GLS: variants seen among roughly 807,000 people sequenced by gnomAD.
GLS encodes glutaminase.
A neutral mutation model predicts 86.7 loss-of-function variants in GLS; 36 were observed. That is an observed-to-expected ratio of 0.42 (90% CI 0.32 to 0.55). GLS has a LOEUF of 0.55. Among genes scored for constraint, GLS ranks in the 20% least tolerant of loss-of-function variants. The pLI, the probability that GLS is intolerant of heterozygous loss-of-function variation, is 0.17. For missense variants in GLS, 528 were observed against 833.4 expected (o/e 0.63, Z 4.51); for synonymous variants, 317 against 305.9 (o/e 1.04, Z -0.38).
At position 190,949,994 on chromosome 2, in the gene GLS, AAT is replaced by A. The variant is rs750647689; in HGVS notation, c.1651-3556_1651-3555del. ...TTAAAAAGGATATAGTTAACAATAC[AAT>A]ATATATATATATATGAAGGGGAAAA... On this transcript the variant is annotated intron_variant, in intron 14 of 17. Coordinates refer to ENST00000320717, the MANE Select transcript of GLS (RefSeq NM_014905.5). This position sits in a 1 kb window ranked among gnomAD's most constrained non-coding sequence, Gnocchi z 4.0. 3.0e-4 allele frequency among the ~76,000 whole-genome samples: 44 copies of A among 148,102 alleles called. No individual in the cohort carries two copies. The highest frequency in any genetic ancestry group is 6.2e-4 in the African/African-American group (25 of 40,610).
chr2:190,934,208 A>G, intron 14 of GLS: 1 of 967,268 alleles, frequency 1.0e-6, no homozygotes, highest in Non-Finnish European at 1.2e-6. Context: ...GTGGTAATGG[A>G]AAGTCTGTAA....
chr2:190,922,071 T>C (rs998176359), intron 9 of GLS, among the ~76,000 whole-genome samples: 1 of 152,198 alleles, frequency 6.6e-6, no homozygotes, highest in East Asian at 1.9e-4. Flanking sequence ...GACTTTTTCT[T>C]TGAAGGACCA....
rs761044284 is a variant in GLS, at chr2:190,938,244, T to A, written c.1650+6607T>A. On this transcript the variant is annotated intron_variant, in intron 14 of 17. Transcript: ENST00000320717. This position sits in a 1 kb window ranked among gnomAD's most constrained non-coding sequence, Gnocchi z 4.1. ...TTTCAGGCCTTAAAACCACAGATAA[T>A]TAAAATTATCTATTTGGAAGGCTTA... Among the ~76,000 whole-genome samples, 1 of 151,538 alleles carries A rather than the reference T, an allele frequency of 6.6e-6. No individual in the cohort carries two copies. Among genetic ancestry groups the A allele is most frequent in the Admixed American group, 6.6e-5 (1 of 15,206 alleles).
chr2:190,895,704 T>C lies in GLS; in HGVS notation c.584T>C (p.Leu195Pro). The change falls in exon 3 of 18, where the codon CTA becomes CCA. Residue 195 changes from leucine to proline, a missense_variant. Physicochemically the swap from Leu to Pro is moderately conservative, Grantham distance 98 (BLOSUM62 -3). Coordinates refer to ENST00000320717, the MANE Select transcript of GLS (RefSeq NM_014905.5). The surrounding 1 kb of genome is among the most constrained non-coding windows in gnomAD (Gnocchi z 4.2). ...CAAACAACATCAGATGGTGTCATGCTAGACAAAGATCTTTTTAAAAAGTAA... is the reference window on the plus strand; with the variant it reads ...CAAACAACATCAGATGGTGTCATGCCAGACAAAGATCTTTTTAAAAAGTAA... ...TLQTTSDGVM[L>P]DKDLFKKCVQ... 1 of 1,587,102 alleles carries C rather than the reference T, an allele frequency of 6.3e-7. No homozygotes were observed. The highest frequency in any genetic ancestry group is 8.6e-7 in the Non-Finnish European group (1 of 1,161,242).
At chr2:190,898,509 G>A (rs994228754) in intron 3 of GLS, among the ~76,000 whole-genome samples, 1 of 152,212 alleles carries the variant, frequency 6.6e-6, no homozygotes, top group Non-Finnish European at 1.5e-5. Flanking sequence ...TCTCCTGAGA[G>A]GCAAAATTGG....
Position 190,931,582 on chromosome 2 carries a change from AT to A in GLS, c.1598del (p.Leu533Ter). 6.3e-7 allele frequency: 1 copy of A among 1,584,752 alleles called. No homozygotes were observed. Among genetic ancestry groups the A allele is most frequent in the Non-Finnish European group, 8.7e-7 (1 of 1,155,696 alleles). On this transcript the variant is annotated frameshift_variant, in exon 14 of 18. Coordinates refer to ENST00000320717, the MANE Select transcript of GLS (RefSeq NM_014905.5). LOFTEE classifies it high-confidence loss of function. ...CTGTGTAATTTCCATAACTATGATA[AT>A]TTGAGACACTTTGCAAAAAAACTTG... ...VSLCNFHNYDNLRHFAKKLDP... is the reference protein window; with the variant it reads ...VSLCNFHNYDXLRHFAKKLDP...
At chr2:190,888,040 GC>G (rs1462321720) in intron 1 of GLS, among the ~76,000 whole-genome samples, 2 of 152,128 alleles carry the variant, frequency 1.3e-5, no homozygotes, top group African/African-American at 4.8e-5. Context: ...TGTTTTTCCT[GC>G]CTCCTTTTGT....
chr2:190,887,235 A>G (rs1688415141), intron 1 of GLS, among the ~76,000 whole-genome samples: 1 of 152,232 alleles, frequency 6.6e-6, no homozygotes, highest in South Asian at 2.1e-4. Flanking sequence ...AGATACTGTT[A>G]GTACAGTTTT....
In GLS at chr2:190,953,674, G is replaced by T; in HGVS notation, c.1712+48G>T. On this transcript the variant is annotated intron_variant, in intron 15 of 17. Transcript: ENST00000320717. This position sits in a 1 kb window ranked among gnomAD's most constrained non-coding sequence, Gnocchi z 4.0. ...CATGCACTTTACAGATATTTATGAA[G>T]TTGCTTCTGGGCGAGCAGCCATTTT... 1 of 1,289,348 alleles carries T rather than the reference G, an allele frequency of 7.8e-7. No individual in the cohort carries two copies. Among genetic ancestry groups the T allele is most frequent in the South Asian group, 1.2e-5 (1 of 81,786 alleles). 79.9% of individuals were successfully genotyped at this position (1,289,348 alleles called of 1,614,324 possible). A position where few individuals can be genotyped will look rare whatever the true frequency, so the allele number is the denominator to read the frequency against.
In GLS at chr2:190,884,309, A is replaced by T. The variant is rs3771316; in HGVS notation, c.386+2839A>T. Among the ~76,000 whole-genome samples the T allele has an allele frequency of 2.6e-5, 4 of 152,054 alleles. No individual in the cohort carries two copies. The South Asian group carries it at 6.2e-4, about 24-fold the overall frequency. On this transcript the variant is annotated intron_variant, in intron 1 of 17. Coordinates refer to ENST00000320717, the MANE Select transcript of GLS (RefSeq NM_014905.5). ...CTCTTAATCCAAAGCTCTGTTCTTA[A>T]ATTTGTCGCCACATATTCAATGACT...
intron 17 of GLS, among the ~76,000 whole-genome samples, chr2:190,959,535 GTA>G (rs1189314289): frequency 6.6e-6 from 1 of 152,120 alleles, no homozygotes; most frequent in Non-Finnish European, 1.5e-5. Flanking sequence ...TTACAATTTT[GTA>G]TGTTTTTGCA....
rs1323791185 is a variant in GLS, at chr2:190,930,982, A to C, written c.1557+414A>C. On this transcript the variant is annotated intron_variant, in intron 13 of 17. Transcript: ENST00000320717. This position sits in a 1 kb window ranked among gnomAD's most constrained non-coding sequence, Gnocchi z 5.0. ...ATTTTTTTGAGGAAATAAGCACTGAAAATTAAAAAAAGATTAAACCATTTT... is the reference window on the plus strand; with the variant it reads ...ATTTTTTTGAGGAAATAAGCACTGACAATTAAAAAAAGATTAAACCATTTT... 6.6e-6 allele frequency among the ~76,000 whole-genome samples: 1 copy of C among 152,168 alleles called. No homozygotes were observed. Among genetic ancestry groups the C allele is most frequent in the African/African-American group, 2.4e-5 (1 of 41,448 alleles).
chr2:190,892,785 C>T (rs1688607585), intron 1 of GLS, among the ~76,000 whole-genome samples: 1 of 152,096 alleles, frequency 6.6e-6, no homozygotes, highest in Non-Finnish European at 1.5e-5. Context: ...TCAGTTTTGA[C>T]AGCTTATTTT....
intron 1 of GLS, among the ~76,000 whole-genome samples, chr2:190,894,212 T>C (rs1322649729): frequency 1.3e-5 from 2 of 152,344 alleles, no homozygotes; most frequent in South Asian, 2.1e-4. Context: ...AAGTCTCTTA[T>C]GTAAAATGGC....
intron 14 of GLS, among the ~76,000 whole-genome samples, chr2:190,939,424 C>T (rs1690364657): frequency 6.6e-6 from 1 of 151,638 alleles, no homozygotes; most frequent in Non-Finnish European, 1.5e-5. Flanking sequence ...GCTCTTCTCC[C>T]TACAAGTTTC....
intron 7 of GLS, among the ~76,000 whole-genome samples, chr2:190,915,529 G>A (rs552724108): frequency 1.2e-4 from 18 of 152,090 alleles, no homozygotes; most frequent in African/African-American, 4.3e-4. Flanking sequence ...CTTCAAACTG[G>A]GATAAATATA....
chr2:190,928,899 T>TG (rs1354838964), intron 12 of GLS, among the ~76,000 whole-genome samples: 1 of 131,374 alleles, frequency 7.6e-6, no homozygotes, highest in Non-Finnish European at 1.7e-5. Context: ...TGTGTTTTTT[T>TG]TTTTTTTTTT....
At chr2:190,946,992 A>G (rs917496177) in intron 14 of GLS, among the ~76,000 whole-genome samples, 1 of 152,176 alleles carries the variant, frequency 6.6e-6, no homozygotes, top group Admixed American at 6.5e-5. Context: ...ATCTATCAAC[A>G]TATTTTATAA....
At chr2:190,907,243 GTT>G (rs57623604) in intron 6 of GLS, among the ~76,000 whole-genome samples, 1 of 135,128 alleles carries the variant, frequency 7.4e-6, no homozygotes, top group African/African-American at 2.7e-5. Context: ...AATAACAGTA[GTT>G]TTTTTTTTTT....
Sources: gnomAD v4.1 joint callset for allele counts (sites outside exome capture counted in the v4.1 genomes callset) on GRCh38, gnomAD v4.1.1 for gene constraint, Gnocchi (gnomAD v3.1) non-coding constraint, MANE v1.5 for transcripts, NCBI Gene and HGNC (gene_info 2026-07-23, HGNC 2026-07-21) for gene names.